Variants in KSR2 observed in about 807,000 individuals in gnomAD.
The protein encoded by KSR2 is kinase suppressor of ras 2.
KSR2 carries 25 observed loss-of-function variants against 107.8 expected under a neutral mutation model. The observed-to-expected ratio is 0.23, with a 90% CI of 0.17 to 0.32. The LOEUF (loss-of-function observed/expected upper bound fraction) is 0.32, where lower values mean the gene tolerates loss of function less well. Among genes scored for constraint, KSR2 ranks in the 10% least tolerant of loss-of-function variants. The pLI is 1.00. For synonymous variants in KSR2, 480 were observed against 507.0 expected, an observed-to-expected ratio of 0.95 and a Z score of 0.71; for missense variants, 887 against 1,268.9, an observed-to-expected ratio of 0.70 and a Z score of 4.57.
At chr12:117,540,245 T>A (rs2137285745) in intron 9 of KSR2, among the ~76,000 whole-genome samples, 1 of 152,220 alleles carries the variant, frequency 6.6e-6, no homozygotes, top group South Asian at 2.1e-4. Context: ...ACACCTCTCC[T>A]CCCAAGTGTT....
intron 12 of KSR2, among the ~76,000 whole-genome samples, chr12:117,528,839 G>A (rs1205354800): frequency 6.6e-6 from 1 of 152,218 alleles, no homozygotes; most frequent in East Asian, 1.9e-4. Flanking sequence ...TCTGCAAAGA[G>A]TTGTCATCAC....
chr12:117,561,711 C>A (rs144568568), intron 7 of KSR2, among the ~76,000 whole-genome samples: 1 of 152,214 alleles, frequency 6.6e-6, no homozygotes, highest in South Asian at 2.1e-4. Context: ...CTTCCCAATA[C>A]GGATGCTTGA....
intron 4 of KSR2, among the ~76,000 whole-genome samples, chr12:117,736,394 A>G (rs534808061): frequency 5.1e-4 from 77 of 152,264 alleles, no homozygotes; most frequent in Admixed American, 1.3e-3. Flanking sequence ...TGCCCCATCC[A>G]TCTCTGAACT....
At chr12:117,604,878 C>A (rs1881144312) in intron 5 of KSR2, among the ~76,000 whole-genome samples, 2 of 152,080 alleles carry the variant, frequency 1.3e-5, no homozygotes, top group South Asian at 2.1e-4. Context: ...TGTGGCCAAG[C>A]AAGAATGAGG....
intron 3 of KSR2, among the ~76,000 whole-genome samples, chr12:117,835,150 G>A (rs1892148258): frequency 6.6e-6 from 1 of 152,230 alleles, no homozygotes. Flanking sequence ...CCCATAACCA[G>A]AGAAGTCAGG....
intron 1 of KSR2, among the ~76,000 whole-genome samples, chr12:117,937,669 T>A (rs1895886295): frequency 6.6e-6 from 1 of 151,780 alleles, no homozygotes; most frequent in African/African-American, 2.4e-5. Context: ...TGTCTCCAGA[T>A]GAGCCTGAGC....
intron 1 of KSR2, among the ~76,000 whole-genome samples, chr12:117,961,322 C>G (rs1309018477): frequency 1.3e-5 from 2 of 152,146 alleles, no homozygotes; most frequent in African/African-American, 2.4e-5. Context: ...GGCCCGCCAC[C>G]TGCAAACCAA....
intron 3 of KSR2, among the ~76,000 whole-genome samples, chr12:117,809,775 T>A (rs558082613): frequency 6.6e-6 from 1 of 152,234 alleles, no homozygotes; most frequent in East Asian, 1.9e-4. Context: ...AGCATCCAGC[T>A]CCTAGCAGGA....
At chr12:117,487,139 T>G (rs1872509630) in intron 14 of KSR2, among the ~76,000 whole-genome samples, 1 of 152,246 alleles carries the variant, frequency 6.6e-6, no homozygotes, top group Admixed American at 6.5e-5. Flanking sequence ...CATTTCATGG[T>G]AACTTTCCAT....
At position 117,859,443 on chromosome 12, in the gene KSR2, G is replaced by GT. The variant is rs1343085638; in HGVS notation, c.321+847dup. The stretch of plus-strand genomic sequence containing the variant: ...CCACCGCGCCTGGCCTGTTTTTTTC[G>GT]TTTTTTGTTTTTTATTTATTTTTTT... On this transcript the variant is annotated intron_variant, in intron 2 of 19. Transcript: ENST00000339824. Among the ~76,000 whole-genome samples, 426 of 141,714 alleles carry GT rather than the reference G, an allele frequency of 3.0e-3. 2 individuals carry two copies. The highest frequency in any genetic ancestry group is 0.011 in the African/African-American group (413 of 36,566). 93.0% of individuals were successfully genotyped at this position (141,714 alleles called of 152,430 possible). A position where few individuals can be genotyped will look rare whatever the true frequency, so the allele number is the denominator to read the frequency against.
chr12:117,856,051 T>C (rs764454350), intron 2 of KSR2, among the ~76,000 whole-genome samples: 39 of 152,064 alleles, frequency 2.6e-4, no homozygotes, highest in Non-Finnish European at 4.4e-4. Context: ...CTTCCTCTCT[T>C]CTCTGGCTGC....
chr12:117,771,818 C>T (rs907323310), intron 3 of KSR2, among the ~76,000 whole-genome samples: 5 of 152,114 alleles, frequency 3.3e-5, no homozygotes, highest in African/African-American at 9.7e-5. Context: ...CACCCCTCCC[C>T]GTAGCCTACA....
chr12:117,739,084 A>T lies in KSR2; in HGVS notation c.986+21927T>A, dbSNP rs577161890. On this transcript the variant is annotated intron_variant, in intron 4 of 19. Coordinates refer to ENST00000339824, the MANE Select transcript of KSR2 (RefSeq NM_173598.6). The stretch of plus-strand genomic sequence containing the variant: ...AAAAATAAGGTAATTGGACGGGCGC[A>T]GCGGCTCACGCCTGTAATCCCAGCA... Among the ~76,000 whole-genome samples the T allele has an allele frequency of 2.6e-5, 4 of 152,064 alleles. No homozygotes were observed. The East Asian group carries it at 7.8e-4, about 30-fold the overall frequency.
intron 14 of KSR2, among the ~76,000 whole-genome samples, chr12:117,487,927 G>C (rs1284211273): frequency 2.0e-5 from 3 of 152,122 alleles, no homozygotes; most frequent in African/African-American, 7.2e-5. Flanking sequence ...CCCTGATATG[G>C]TTTGGCTGTG....
chr12:117,793,145 T>C (rs12578845), intron 3 of KSR2, among the ~76,000 whole-genome samples: 78,304 of 139,586 alleles, frequency 0.56, 22,144 homozygotes, highest in East Asian at 0.78. Context: ...CTAACATGCA[T>C]ATACCAATAT....
intron 3 of KSR2, among the ~76,000 whole-genome samples, chr12:117,821,306 C>G (rs574771843): frequency 6.6e-6 from 1 of 152,276 alleles, no homozygotes; most frequent in African/African-American, 2.4e-5. Context: ...TTTCTTCTGA[C>G]TCTGCCACCA....
intron 4 of KSR2, among the ~76,000 whole-genome samples, chr12:117,676,336 G>A (rs1399011262): frequency 6.6e-6 from 1 of 152,210 alleles, no homozygotes; most frequent in Non-Finnish European, 1.5e-5. Context: ...CCCAAGTGTG[G>A]AGGAATACGC....
intron 3 of KSR2, among the ~76,000 whole-genome samples, chr12:117,803,474 G>C (rs976084049): frequency 3.3e-5 from 5 of 152,110 alleles, no homozygotes; most frequent in African/African-American, 4.8e-5. Flanking sequence ...AGGCCGAGGC[G>C]GGCGGATCAC....
intron 1 of KSR2, among the ~76,000 whole-genome samples, chr12:117,912,867 G>A (rs920626388): frequency 6.6e-6 from 1 of 152,154 alleles, no homozygotes; most frequent in African/African-American, 2.4e-5. Context: ...GTAGGGACCC[G>A]TAAAGATAGT....
Sources: gnomAD v4.1 joint callset for allele counts (sites outside exome capture counted in the v4.1 genomes callset) on GRCh38, gnomAD v4.1.1 for gene constraint, MANE v1.5 for transcripts, NCBI Gene and HGNC (gene_info 2026-07-23, HGNC 2026-07-21) for gene names.